Variants in SLC29A3 observed in about 807,000 individuals in gnomAD.
SLC29A3 encodes solute carrier family 29 member 3, also known as equilibrative nucleoside transporter 3.
A neutral mutation model predicts 25.4 loss-of-function variants in SLC29A3; 18 were observed. The ratio of observed to expected loss-of-function variants is 0.71; its 90% CI spans 0.49 to 1.05. The LOEUF (loss-of-function observed/expected upper bound fraction) is 1.05. Ranked by LOEUF, SLC29A3 falls within the 50% of genes least tolerant of loss-of-function variation. SLC29A3 has a pLI of 0.00. For missense variants in SLC29A3, 586 were observed against 609.0 expected, an observed-to-expected ratio of 0.96 and a Z score of 0.40; for synonymous variants, 258 against 267.1, an observed-to-expected ratio of 0.97 and a Z score of 0.33.
Position 71,351,747 on chromosome 10 carries a change from C to T in SLC29A3, c.569C>T (p.Thr190Ile). Residue 190 changes from threonine to isoleucine, a missense_variant, in exon 4 of 6, where the codon ACC becomes ATC. Physicochemically the swap from Thr to Ile is moderately conservative, Grantham distance 89. Coordinates refer to ENST00000373189, the MANE Select transcript of SLC29A3 (RefSeq NM_018344.6). ...TVFSSSIYGMTGSFPMRNSQA... is the reference protein window; with the variant it reads ...TVFSSSIYGMIGSFPMRNSQA... ...TTCAGCAGCAGCATCTACGGCATGA[C>T]CGGCTCCTTTCCTATGAGGAACTCC... 1.2e-6 allele frequency: 2 copies of T among 1,614,040 alleles called. No homozygotes were observed. Among genetic ancestry groups the T allele is most frequent in the Non-Finnish European group, 1.7e-6 (2 of 1,180,040 alleles).
At chr10:71,344,564 T>C (rs541480203) in intron 3 of SLC29A3, among the ~76,000 whole-genome samples, 9 of 152,118 alleles carry the variant, frequency 5.9e-5, no homozygotes, top group African/African-American at 2.2e-4. Flanking sequence ...GATGCAGGGG[T>C]CTTCCTCCCT....
chr10:71,363,155 A>G lies in SLC29A3; in HGVS notation c.*547A>G. ...GTGGGTGAACAACTGCCCACTAACCAGACTGGAAAACCCAGAAAGATGGGC... is the reference window on the plus strand; with the variant it reads ...GTGGGTGAACAACTGCCCACTAACCGGACTGGAAAACCCAGAAAGATGGGC... On this transcript the variant is annotated 3_prime_UTR_variant, in exon 6 of 6. Coordinates refer to ENST00000373189, the MANE Select transcript of SLC29A3 (RefSeq NM_018344.6). 1 of 441,902 alleles carries G rather than the reference A, an allele frequency of 2.3e-6. No individual in the cohort carries two copies. The highest frequency in any genetic ancestry group is 4.5e-6 in the Non-Finnish European group (1 of 220,624). The allele number at this position is 441,902 out of a possible 1,614,324, so 27.4% of individuals were successfully genotyped here.
At chr10:71,336,515 G>A (rs2131815255) in intron 2 of SLC29A3, among the ~76,000 whole-genome samples, 1 of 152,068 alleles carries the variant, frequency 6.6e-6, no homozygotes, top group African/African-American at 2.4e-5. Flanking sequence ...ACATTTTCAA[G>A]GAGTGTGGAG....
chr10:71,361,614 A>G (rs999979353), intron 5 of SLC29A3, among the ~76,000 whole-genome samples: 1 of 152,188 alleles, frequency 6.6e-6, no homozygotes, highest in Non-Finnish European at 1.5e-5. Context: ...AGAAATCTGC[A>G]TTTTTAATAC....
chr10:71,351,221 G>C (rs376388268), intron 3 of SLC29A3, among the ~76,000 whole-genome samples: 2 of 152,188 alleles, frequency 1.3e-5, no homozygotes, highest in Admixed American at 6.5e-5. Context: ...GAACCTCACA[G>C]CAAGGTGAAA....
chr10:71,374,365 G>A (rs1363939219), intron 3 of SLC29A3, among the ~76,000 whole-genome samples: 1 of 152,150 alleles, frequency 6.6e-6, no homozygotes, highest in Non-Finnish European at 1.5e-5. Flanking sequence ...GATAGGCAGG[G>A]GCCAAGGGTC....
At chr10:71,345,854 C>T (rs957436258) in intron 3 of SLC29A3, among the ~76,000 whole-genome samples, 3 of 152,192 alleles carry the variant, frequency 2.0e-5, no homozygotes, top group Admixed American at 1.3e-4. Flanking sequence ...GGGAGACAGC[C>T]GTGGTGGGGG....
intron 1 of SLC29A3, among the ~76,000 whole-genome samples, chr10:71,320,451 G>T (rs1206912912): frequency 2.0e-5 from 3 of 149,762 alleles, no homozygotes; most frequent in African/African-American, 7.5e-5. Flanking sequence ...AGATCAAGGT[G>T]CTGGTTGATT....
intron 3 of SLC29A3, among the ~76,000 whole-genome samples, chr10:71,347,870 A>C (rs1213125266): frequency 6.6e-6 from 1 of 152,194 alleles, no homozygotes; most frequent in East Asian, 1.9e-4. Context: ...AGCTCTCTGC[A>C]AAACAACCTT....
At chr10:71,340,237 T>C (rs1291647837) in intron 2 of SLC29A3, among the ~76,000 whole-genome samples, 5 of 152,230 alleles carry the variant, frequency 3.3e-5, no homozygotes, top group East Asian at 1.9e-4. Context: ...CTTTCACCTC[T>C]GGTTCTATAA....
intron 2 of SLC29A3, among the ~76,000 whole-genome samples, chr10:71,342,623 C>T (rs1177709824): frequency 6.6e-6 from 1 of 152,242 alleles, no homozygotes; most frequent in Non-Finnish European, 1.5e-5. Flanking sequence ...GGGCTGGGGG[C>T]AGACGCAGCC....
At chr10:71,329,818 CCATTAAA>C (rs1304376801) in intron 2 of SLC29A3, among the ~76,000 whole-genome samples, 2 of 152,182 alleles carry the variant, frequency 1.3e-5, no homozygotes, top group Non-Finnish European at 2.9e-5. Flanking sequence ...ACCCATTAAC[CCATTAAA>C]CAGGCAAAGG....
rs754768073 is a variant in SLC29A3 at position 71,332,119 on chromosome 10, TC to T, written c.300+9066del. On this transcript the variant is annotated intron_variant, in intron 2 of 5. Coordinates refer to ENST00000373189, the MANE Select transcript of SLC29A3 (RefSeq NM_018344.6). ...TTGCAATCCTCTTTTATTCTTTTTT[TC>T]TTTTTTCTTCTCTTTTCTTTTTCTT... 1.6e-4 allele frequency among the ~76,000 whole-genome samples: 25 copies of T among 152,042 alleles called. 1 individual carries two copies. In the East Asian group the frequency reaches 4.8e-3, roughly 29 times the overall value.
intron 3 of SLC29A3, among the ~76,000 whole-genome samples, chr10:71,346,444 A>G (rs903312873): frequency 6.6e-6 from 1 of 152,182 alleles, no homozygotes; most frequent in Admixed American, 6.5e-5. Context: ...CAAACCTGTA[A>G]TCTCAGCACT....
At chr10:71,324,197 C>T (rs1000997516) in intron 2 of SLC29A3, among the ~76,000 whole-genome samples, 8 of 152,178 alleles carry the variant, frequency 5.3e-5, no homozygotes, top group Non-Finnish European at 7.3e-5. Flanking sequence ...TAAGAGGAGA[C>T]GTCAAGGCGA....
intron 2 of SLC29A3, among the ~76,000 whole-genome samples, chr10:71,335,610 C>T (rs1416164466): frequency 6.6e-6 from 1 of 152,042 alleles, no homozygotes; most frequent in Non-Finnish European, 1.5e-5. Context: ...GAGACGGGGC[C>T]AGTAGATGTG....
chr10:71,344,104 C>T (rs1448959064), intron 2 of SLC29A3, 105 bp from the exon 3 acceptor site: 3 of 928,032 alleles, frequency 3.2e-6, no homozygotes, highest in African/African-American at 3.2e-5. Context: ...TGTCTGAAGA[C>T]AGTGGGGAGA....
At chr10:71,342,426 A>G (rs373929306) in intron 2 of SLC29A3, among the ~76,000 whole-genome samples, 8 of 152,258 alleles carry the variant, frequency 5.3e-5, no homozygotes, top group African/African-American at 1.9e-4. Context: ...CCAGTGGTCA[A>G]TATCCAAAAA....
At chr10:71,377,681 C>G (rs1266586072) in intron 4 of SLC29A3, among the ~76,000 whole-genome samples, 1 of 152,200 alleles carries the variant, frequency 6.6e-6, no homozygotes, top group East Asian at 1.9e-4. Flanking sequence ...GTTTTGTCCC[C>G]AGATCACTCA....
Sources: allele counts gnomAD v4.1 joint callset (sites outside exome capture counted in the v4.1 genomes callset), GRCh38; gene constraint gnomAD v4.1.1; transcripts MANE v1.5; gene names NCBI Gene and HGNC (gene_info 2026-07-23, HGNC 2026-07-21).